Variants in PARVA observed in about 807,000 individuals in gnomAD.
PARVA encodes the protein alpha-parvin.
A neutral mutation model predicts 52.6 loss-of-function variants in PARVA; 25 were observed. The ratio of observed to expected loss-of-function variants is 0.48; its 90% confidence interval spans 0.35 to 0.66. The LOEUF (loss-of-function observed/expected upper bound fraction) is 0.66. Ranked by LOEUF, PARVA falls within the 30% of genes least tolerant of loss-of-function variation. The pLI is 0.01. For missense variants in PARVA, 373 were observed against 450.9 expected, an observed-to-expected ratio of 0.83 and a Z score of 1.56; for synonymous variants, 185 against 179.1, an observed-to-expected ratio of 1.03 and a Z score of -0.26.
At position 12,467,352 on chromosome 11, in the gene PARVA, C is replaced by T. The variant is rs564349356; in HGVS notation, c.137-6393C>T. On this transcript the variant is annotated intron_variant, in intron 1 of 12. Transcript: ENST00000334956. ...CAAAGACAATTTCTTCCTTCCCAAT[C>T]TGTATACCTTTTATTTTCTTCTCTT... Among the ~76,000 whole-genome samples the T allele has an allele frequency of 2.0e-3, 302 of 152,274 alleles. 3 individuals carry two copies. The highest frequency in any genetic ancestry group is 2.8e-3 in the Non-Finnish European group (189 of 68,034).
At chr11:12,523,608 C>G (rs374945931) in intron 12 of PARVA, among the ~76,000 whole-genome samples, 1 of 152,178 alleles carries the variant, frequency 6.6e-6, no homozygotes, top group East Asian at 1.9e-4. Flanking sequence ...GAAAGAGTCA[C>G]TAATACCTCT....
chr11:12,464,754 T>G (rs1041415660), intron 1 of PARVA, among the ~76,000 whole-genome samples: 2 of 152,210 alleles, frequency 1.3e-5, no homozygotes, highest in Non-Finnish European at 1.5e-5. Flanking sequence ...ATGTTCAAAC[T>G]TAATCCCCAA....
intron 1 of PARVA, among the ~76,000 whole-genome samples, chr11:12,425,832 T>C (rs572960057): frequency 6.2e-4 from 94 of 152,314 alleles, no homozygotes; most frequent in African/African-American, 2.1e-3. Flanking sequence ...TGTTGAGGCG[T>C]TAACAATTCT....
chr11:12,466,042 A>G (rs1216833167), intron 1 of PARVA, among the ~76,000 whole-genome samples: 11 of 152,156 alleles, frequency 7.2e-5, no homozygotes, highest in Admixed American at 5.9e-4. Context: ...TAGCCATTCT[A>G]GTTGATGTCT....
In PARVA at chr11:12,450,508, G is replaced by A. The variant is rs1057082033; in HGVS notation, c.137-23237G>A. Among the ~76,000 whole-genome samples, 87 of 152,222 alleles carry A rather than the reference G, an allele frequency of 5.7e-4. 3 individuals are homozygous for A. On this transcript the variant is annotated intron_variant, in intron 1 of 12. Coordinates refer to ENST00000334956, the MANE Select transcript of PARVA (RefSeq NM_018222.5). ...GGAAAAGAGAATGAAGCCTCAGGGTGTTGGATGCCCATGTGTATTAGTCAG... is the reference window on the plus strand; with the variant it reads ...GGAAAAGAGAATGAAGCCTCAGGGTATTGGATGCCCATGTGTATTAGTCAG...
chr11:12,521,669 A>G (rs1342618614), intron 12 of PARVA, among the ~76,000 whole-genome samples: 1 of 151,966 alleles, frequency 6.6e-6, no homozygotes, highest in Non-Finnish European at 1.5e-5. Context: ...TGAGATGATG[A>G]CATTATCTAG....
At chr11:12,511,306 G>A (rs1002798806) in intron 7 of PARVA, among the ~76,000 whole-genome samples, 1 of 152,058 alleles carries the variant, frequency 6.6e-6, no homozygotes, top group Non-Finnish European at 1.5e-5. Context: ...GAAAATGGGT[G>A]GTAATGTGGT....
intron 4 of PARVA, 113 bp from the exon 5 acceptor site, chr11:12,496,345 A>AGAGTGCATGCAAGCAT: frequency 2.3e-6 from 2 of 861,988 alleles, no homozygotes; most frequent in Non-Finnish European, 3.5e-6. Context: ...TATTGTTGCA[A>AGAGTGCATGCAAGCAT]GAGTGCATGC....
intron 1 of PARVA, among the ~76,000 whole-genome samples, chr11:12,464,924 G>C (rs989627901): frequency 6.6e-6 from 1 of 152,150 alleles, no homozygotes; most frequent in South Asian, 2.1e-4. Context: ...TTAGTTTCGG[G>C]ATGAAACTGT....
intron 1 of PARVA, among the ~76,000 whole-genome samples, chr11:12,455,128 G>A (rs1380447437): frequency 1.3e-5 from 2 of 152,104 alleles, no homozygotes; most frequent in Non-Finnish European, 2.9e-5. Flanking sequence ...AAAACTGATG[G>A]GTAGATATAG....
At chr11:12,510,755 G>A (rs957400817) in intron 7 of PARVA, among the ~76,000 whole-genome samples, 1 of 152,186 alleles carries the variant, frequency 6.6e-6, no homozygotes, top group Admixed American at 6.5e-5. Flanking sequence ...CATGAGAATA[G>A]TATGGGAAAG....
At chr11:12,493,460 A>C (rs1465452176) in intron 4 of PARVA, among the ~76,000 whole-genome samples, 1 of 93,170 alleles carries the variant, frequency 1.1e-5, no homozygotes, top group Non-Finnish European at 2.9e-5. Flanking sequence ...CTAAACTAAA[A>C]TATCGAACAG....
At chr11:12,434,974 C>T (rs1251456169) in intron 1 of PARVA, among the ~76,000 whole-genome samples, 1 of 152,188 alleles carries the variant, frequency 6.6e-6, no homozygotes, top group African/African-American at 2.4e-5. Flanking sequence ...CCTTCTCAAT[C>T]AGCTTCTTTC....
At chr11:12,401,269 T>A (rs961865311) in intron 1 of PARVA, among the ~76,000 whole-genome samples, 1 of 152,216 alleles carries the variant, frequency 6.6e-6, no homozygotes, top group Non-Finnish European at 1.5e-5. Flanking sequence ...GTTTTACATT[T>A]AGGAAAGCTA....
intron 10 of PARVA, among the ~76,000 whole-genome samples, chr11:12,515,916 A>C (rs933928): frequency 0.86 from 130,122 of 152,188 alleles, 56,014 homozygotes; most frequent in Middle Eastern, 0.94. Flanking sequence ...GGCTTACTGC[A>C]TCCTCAACTT....
At chr11:12,496,345 A>AGTGCATGCATGCAT (rs2135059544) in intron 4 of PARVA, 113 bp from the exon 5 acceptor site, 5 of 861,986 alleles carry the variant, frequency 5.8e-6, no homozygotes, top group East Asian at 2.7e-5. Context: ...TATTGTTGCA[A>AGTGCATGCATGCAT]GAGTGCATGC....
At chr11:12,501,263 G>T (rs11022375) in intron 5 of PARVA, among the ~76,000 whole-genome samples, 50,640 of 151,644 alleles carry the variant, frequency 0.33, 10,202 homozygotes, top group East Asian at 0.54. Flanking sequence ...ATCCATAAAT[G>T]TATATTTATA....
intron 5 of PARVA, among the ~76,000 whole-genome samples, chr11:12,499,398 T>C (rs1302935598): frequency 6.6e-6 from 1 of 152,016 alleles, no homozygotes. Context: ...GGCTGCTGAG[T>C]TACCAAGGTC....
At chr11:12,493,810 CA>C (rs1199428994) in intron 4 of PARVA, among the ~76,000 whole-genome samples, 2 of 152,160 alleles carry the variant, frequency 1.3e-5, no homozygotes, top group Non-Finnish European at 2.9e-5. Context: ...CCACACTAAG[CA>C]ATTTTCCAGT....
Sources: allele counts gnomAD v4.1 joint callset (sites outside exome capture counted in the v4.1 genomes callset), GRCh38; gene constraint gnomAD v4.1.1; transcripts MANE v1.5; gene names NCBI Gene and HGNC (gene_info 2026-07-23, HGNC 2026-07-21).